Variants in SUSD5 observed in about 807,000 individuals in gnomAD.
SUSD5 encodes the protein sushi domain containing 5.
A neutral mutation model predicts 29.5 loss-of-function variants in SUSD5; 33 were observed. That is an observed-to-expected ratio of 1.12 (90% CI 0.85 to 1.49). The LOEUF (loss-of-function observed/expected upper bound fraction) is 1.49. Ranked by LOEUF, SUSD5 falls within the 40% of genes most tolerant of loss-of-function variation. SUSD5 has a pLI of 0.00. For synonymous variants in SUSD5, 308 were observed against 325.3 expected, an observed-to-expected ratio of 0.95 and a Z score of 0.57; for missense variants, 776 against 800.6, an observed-to-expected ratio of 0.97 and a Z score of 0.37.
chr3:33,198,573 C>T (rs1041020319), intron 3 of SUSD5, among the ~76,000 whole-genome samples: 1 of 152,170 alleles, frequency 6.6e-6, no homozygotes, highest in African/African-American at 2.4e-5. Context: ...AGCTGAGAAC[C>T]CTACAATGGT....
Position 33,218,717 on chromosome 3 carries a change from G to T in SUSD5, c.81C>A (p.Leu27=). 5 of 1,337,096 alleles carry T rather than the reference G, an allele frequency of 3.7e-6. No homozygotes were observed. The highest frequency in any genetic ancestry group is 4.8e-6 in the Non-Finnish European group (5 of 1,047,828). 82.8% of individuals were successfully genotyped at this position (1,337,096 alleles called of 1,614,324 possible). A position where few individuals can be genotyped will look rare whatever the true frequency, so the allele number is the denominator to read the frequency against. Residue 27 remains leucine (L), a synonymous_variant, in exon 1 of 5, where the codon CTC becomes CTA. Coordinates refer to ENST00000309558, the MANE Select transcript of SUSD5 (RefSeq NM_015551.2). ...CCCGCACCGAAAGGCGCGGCAGACC[G>T]AGCAGGAGCAGCGCCGCCGCCCAGA... ...PGLWAAALLL[L]GLPRLSVRAD... is the part of the protein sequence containing the mutation.
chr3:33,217,130 AAC>A (rs1158520888), intron 1 of SUSD5, among the ~76,000 whole-genome samples: 2 of 152,194 alleles, frequency 1.3e-5, no homozygotes, highest in Admixed American at 1.3e-4. Context: ...ATTCCACTTA[AAC>A]AGTTATAATG....
chr3:33,170,671 A>G (rs1319783537), intron 4 of SUSD5, among the ~76,000 whole-genome samples: 1 of 152,236 alleles, frequency 6.6e-6, no homozygotes, highest in Non-Finnish European at 1.5e-5. Context: ...GTCTCTATCA[A>G]GTCTGAAAGC....
intron 3 of SUSD5, among the ~76,000 whole-genome samples, chr3:33,184,806 T>A (rs949094807): frequency 2.0e-5 from 3 of 152,240 alleles, no homozygotes; most frequent in Admixed American, 2.0e-4. Context: ...TGTTCTTGTA[T>A]GTCATCTAAT....
chr3:33,160,414 G>A (rs546536414), intron 4 of SUSD5, among the ~76,000 whole-genome samples: 1 of 152,082 alleles, frequency 6.6e-6, no homozygotes, highest in South Asian at 2.1e-4. Flanking sequence ...AAAAAATTGG[G>A]TGTGGTGGCA....
intron 3 of SUSD5, among the ~76,000 whole-genome samples, chr3:33,202,069 TATCTATCTATC>T (rs1331422150): frequency 1.4e-5 from 2 of 142,732 alleles, no homozygotes; most frequent in African/African-American, 5.3e-5. Flanking sequence ...TCTGTCTATC[TATCTATCTATC>T]ATCTATCTAT....
At chr3:33,202,145 A>G (rs1316761258) in intron 3 of SUSD5, among the ~76,000 whole-genome samples, 1 of 152,180 alleles carries the variant, frequency 6.6e-6, no homozygotes, top group Admixed American at 6.5e-5. Context: ...GACCCTGGAC[A>G]AATAAATGAA....
chr3:33,211,262 T>G (rs570136805), intron 2 of SUSD5, among the ~76,000 whole-genome samples: 2 of 152,180 alleles, frequency 1.3e-5, no homozygotes, highest in Admixed American at 6.6e-5. Flanking sequence ...TAATACCTTA[T>G]AGTAAACCTA....
At chr3:33,218,283 T>C (rs530768601) in intron 1 of SUSD5, among the ~76,000 whole-genome samples, 5 of 152,218 alleles carry the variant, frequency 3.3e-5, no homozygotes, top group African/African-American at 1.2e-4. Context: ...GGGAGTTTTC[T>C]AACCATCGGC....
At chr3:33,211,756 T>A (rs182485520) in intron 2 of SUSD5, among the ~76,000 whole-genome samples, 2 of 152,210 alleles carry the variant, frequency 1.3e-5, no homozygotes, top group African/African-American at 4.8e-5. Flanking sequence ...ACTAAAGAAG[T>A]GTTTATTTCT....
intron 2 of SUSD5, among the ~76,000 whole-genome samples, chr3:33,210,937 C>T (rs999041209): frequency 6.6e-5 from 10 of 151,982 alleles, no homozygotes; most frequent in Non-Finnish European, 1.3e-4. Flanking sequence ...GCAATGGTGC[C>T]ATCTTGGCTC....
intron 4 of SUSD5, chr3:33,168,562 G>A (rs1335119759): frequency 2.7e-5 from 27 of 985,356 alleles, no homozygotes; most frequent in African/African-American, 3.5e-5. Context: ...GTGCTGCCCC[G>A]AGGCCTCGTT....
chr3:33,194,072 T>C (rs1337325567), intron 3 of SUSD5, among the ~76,000 whole-genome samples: 2 of 152,194 alleles, frequency 1.3e-5, no homozygotes, highest in Non-Finnish European at 2.9e-5. Context: ...TCAGACTCTG[T>C]ATTCTGATGG....
chr3:33,180,300 G>A lies in SUSD5; in HGVS notation c.410-5226C>T, dbSNP rs866758621. 6.6e-5 allele frequency among the ~76,000 whole-genome samples: 10 copies of A among 152,254 alleles called. No individual in the cohort carries two copies. The Middle Eastern group carries it at 0.01, about 155-fold the overall frequency. ...CAGTGATATTGGTGATCCTAACCCT[G>A]TGTAAGCCTAGGCTAATGTGCATGT... On this transcript the variant is annotated intron_variant, in intron 3 of 4. Transcript: ENST00000309558.
At chr3:33,207,231 T>C (rs1014959096) in intron 3 of SUSD5, among the ~76,000 whole-genome samples, 2 of 152,176 alleles carry the variant, frequency 1.3e-5, no homozygotes, top group African/African-American at 4.8e-5. Context: ...TACTGTCCAA[T>C]ATGAAGAGAG....
Position 33,218,788 on chromosome 3 carries a change from C to T in SUSD5, c.10G>A (p.Glu4Lys), listed in dbSNP as rs1251643536. MTA[E>K]GPSPPARWHR... ...CAACGGGCAGGCGGGCTGGGTCCCTCGGCAGTCATGGTCCGGGAGTGCGCG... is the reference window on the plus strand; with the variant it reads ...CAACGGGCAGGCGGGCTGGGTCCCTTGGCAGTCATGGTCCGGGAGTGCGCG... The change falls in exon 1 of 5, where the codon GAG becomes AAG. Residue 4 changes from glutamate (E) to lysine (K), a missense_variant. Glu to Lys is a moderately conservative substitution (Grantham distance 56, BLOSUM62 1). Transcript: ENST00000309558. 3 of 1,443,994 alleles carry T rather than the reference C, an allele frequency of 2.1e-6. No homozygotes were observed. Among genetic ancestry groups the T allele is most frequent in the Non-Finnish European group, 2.7e-6 (3 of 1,104,546 alleles). The allele number at this position is 1,443,994 out of a possible 1,614,324, so 89.4% of individuals were successfully genotyped here.
rs1388464851 is a variant in SUSD5, at chr3:33,167,008, G to A, written c.598+7878C>T. Among the ~76,000 whole-genome samples, 1 of 151,994 alleles carries A rather than the reference G, an allele frequency of 6.6e-6. No individual in the cohort carries two copies. Among genetic ancestry groups the A allele is most frequent in the African/African-American group, 2.4e-5 (1 of 41,384 alleles). ...AGCCTGGCCAACATGGCGAAACCCT[G>A]TCTCTACTAAAAGTACAAAAATTAG... On this transcript the variant is annotated intron_variant, in intron 4 of 4. Coordinates refer to ENST00000309558, the MANE Select transcript of SUSD5 (RefSeq NM_015551.2). The surrounding 1 kb of genome is among the most constrained non-coding windows in gnomAD (Gnocchi z 4.1).
Position 33,186,285 on chromosome 3 carries a change from G to C in SUSD5, c.410-11211C>G, listed in dbSNP as rs181435478. Among the ~76,000 whole-genome samples the C allele has an allele frequency of 2.2e-4, 33 of 151,650 alleles. No individual in the cohort carries two copies. In the East Asian group the frequency reaches 6.0e-3, roughly 28 times the overall value. On this transcript the variant is annotated intron_variant, in intron 3 of 4. Transcript: ENST00000309558. ...CCACTGCACTCCAGCCTGGGTGACA[G>C]AGCAAGACTGTGTCTCAAAAGAAAA...
At chr3:33,205,035 A>G in intron 3 of SUSD5, among the ~76,000 whole-genome samples, 1 of 152,170 alleles carries the variant, frequency 6.6e-6, no homozygotes, top group Middle Eastern at 3.4e-3. Flanking sequence ...ATGAATATGT[A>G]TATATGTGTA....
Sources: allele counts gnomAD v4.1 joint callset (sites outside exome capture counted in the v4.1 genomes callset), GRCh38; gene constraint gnomAD v4.1.1; non-coding constraint Gnocchi (gnomAD v3.1); transcripts MANE v1.5; gene names NCBI Gene and HGNC (gene_info 2026-07-23, HGNC 2026-07-21).